Variants in TSHZ2 observed in about 807,000 individuals in gnomAD.
TSHZ2 encodes teashirt homolog 2.
TSHZ2 carries 21 observed loss-of-function variants against 74.4 expected under a neutral mutation model. That is an observed-to-expected ratio of 0.28 (90% CI 0.20 to 0.41). TSHZ2 has a LOEUF of 0.41. TSHZ2 is among the 10% of genes least tolerant of loss of function. The pLI, the probability that TSHZ2 is intolerant of heterozygous loss-of-function variation, is 1.00. For missense variants in TSHZ2, 1,244 were observed against 1,293.5 expected, an observed-to-expected ratio of 0.96 and a Z score of 0.59; for synonymous variants, 540 against 515.3, an observed-to-expected ratio of 1.05 and a Z score of -0.65.
At chr20:53,042,018 C>T (rs967734105) in intron 1 of TSHZ2, among the ~76,000 whole-genome samples, 1 of 152,014 alleles carries the variant, frequency 6.6e-6, no homozygotes, top group African/African-American at 2.4e-5. Flanking sequence ...GGAAATAAGC[C>T]TCTCCTACAT....
intron 2 of TSHZ2, among the ~76,000 whole-genome samples, chr20:53,266,429 G>A (rs1990717797): frequency 6.6e-6 from 1 of 152,086 alleles, no homozygotes; most frequent in Non-Finnish European, 1.5e-5. Context: ...ACAATGCTGG[G>A]ACCCTGTGTT....
At chr20:53,000,928 C>T (rs1276436074) in intron 1 of TSHZ2, among the ~76,000 whole-genome samples, 2 of 152,058 alleles carry the variant, frequency 1.3e-5, no homozygotes, top group Admixed American at 6.6e-5. Flanking sequence ...TGTGTTTTTC[C>T]TTCTGCTGAC....
At chr20:53,469,435 T>G (rs1392007166) in intron 2 of TSHZ2, among the ~76,000 whole-genome samples, 2 of 151,712 alleles carry the variant, frequency 1.3e-5, no homozygotes, top group African/African-American at 4.8e-5. Context: ...TCCCAGCTAC[T>G]TGGGAGGCTG....
intron 1 of TSHZ2, among the ~76,000 whole-genome samples, chr20:52,989,662 G>A (rs1404701185): frequency 6.6e-6 from 1 of 151,740 alleles, no homozygotes; most frequent in African/African-American, 2.4e-5. Flanking sequence ...CGCATAATAA[G>A]AATTCAACAA....
At chr20:53,444,407 G>A (rs1464627905) in intron 2 of TSHZ2, among the ~76,000 whole-genome samples, 1 of 152,118 alleles carries the variant, frequency 6.6e-6, no homozygotes, top group East Asian at 1.9e-4. Context: ...CGGGGACAGG[G>A]GAGGAGTGGG....
At chr20:53,295,813 TG>T (rs1294807346) in intron 2 of TSHZ2, among the ~76,000 whole-genome samples, 1 of 152,190 alleles carries the variant, frequency 6.6e-6, no homozygotes. Context: ...ACCTTGAACT[TG>T]AATTTGAACT....
At chr20:53,275,163 C>CACTG (rs1990917762) in intron 2 of TSHZ2, among the ~76,000 whole-genome samples, 1 of 152,074 alleles carries the variant, frequency 6.6e-6, no homozygotes, top group African/African-American at 2.4e-5. Context: ...AACTGGAAGA[C>CACTG]ACTGGAAAAG....
chr20:53,231,335 GAAAGAATCTACTGT>G (rs2123671202), intron 1 of TSHZ2, among the ~76,000 whole-genome samples: 1 of 152,328 alleles, frequency 6.6e-6, no homozygotes, highest in Admixed American at 6.5e-5. Flanking sequence ...CGCCCCTTCA[GAAAGAATCTACTGT>G]AAAGTGACTT....
At chr20:53,346,313 A>G (rs1980436518) in intron 2 of TSHZ2, among the ~76,000 whole-genome samples, 3 of 152,038 alleles carry the variant, frequency 2.0e-5, no homozygotes, top group Non-Finnish European at 4.4e-5. Flanking sequence ...AAATTTTTTG[A>G]TGGATTGATT....
At chr20:53,329,156 C>G (rs1979616655) in intron 2 of TSHZ2, among the ~76,000 whole-genome samples, 1 of 152,120 alleles carries the variant, frequency 6.6e-6, no homozygotes, top group Non-Finnish European at 1.5e-5. Flanking sequence ...TGCCAAAGAA[C>G]TTCAACTTCT....
chr20:53,106,553 C>T (rs1333263452), intron 1 of TSHZ2, among the ~76,000 whole-genome samples: 21 of 150,878 alleles, frequency 1.4e-4, no homozygotes, highest in South Asian at 2.1e-4. Flanking sequence ...TACAGGCGCC[C>T]GCCACCATGC....
At chr20:53,142,711 C>T (rs370742170) in intron 1 of TSHZ2, among the ~76,000 whole-genome samples, 3 of 151,982 alleles carry the variant, frequency 2.0e-5, no homozygotes, top group African/African-American at 7.3e-5. Context: ...AGGGTGTGGC[C>T]TACTCATTTG....
At position 53,081,855 on chromosome 20, in the gene TSHZ2, A is replaced by T. The variant is rs535586875; in HGVS notation, c.40+108522A>T. ...TTTTAGAAACACACAAACACCTTAT[A>T]TTAGACTGACTGTACGTAAGTATGA... On this transcript the variant is annotated intron_variant, in intron 1 of 2. Transcript: ENST00000371497. Among the ~76,000 whole-genome samples the T allele has an allele frequency of 6.6e-5, 10 of 151,368 alleles. No homozygotes were observed. In the East Asian group the frequency reaches 1.9e-3, roughly 29 times the overall value.
chr20:53,152,397 C>G (rs957106278), intron 1 of TSHZ2, among the ~76,000 whole-genome samples: 3 of 152,078 alleles, frequency 2.0e-5, no homozygotes, highest in Non-Finnish European at 4.4e-5. Flanking sequence ...GACCCTAACC[C>G]TGACTCTCAG....
intron 2 of TSHZ2, among the ~76,000 whole-genome samples, chr20:53,292,451 T>C (rs1197498214): frequency 1.3e-5 from 1 of 79,772 alleles, no homozygotes; most frequent in African/African-American, 8.3e-5. Flanking sequence ...CCACCTATTT[T>C]TTTTTTTTTT....
At chr20:53,133,365 A>G (rs1407522941) in intron 1 of TSHZ2, among the ~76,000 whole-genome samples, 1 of 152,238 alleles carries the variant, frequency 6.6e-6, no homozygotes, top group African/African-American at 2.4e-5. Context: ...AGACACAAGG[A>G]TAAAGCACCC....
At chr20:53,240,389 AC>A (rs1221440891) in intron 1 of TSHZ2, among the ~76,000 whole-genome samples, 2 of 152,168 alleles carry the variant, frequency 1.3e-5, no homozygotes, top group Non-Finnish European at 2.9e-5. Context: ...ACCCTAGAAC[AC>A]TAGTGATCTC....
intron 2 of TSHZ2, among the ~76,000 whole-genome samples, chr20:53,325,351 C>T (rs1979445204): frequency 6.6e-6 from 1 of 152,186 alleles, no homozygotes; most frequent in Admixed American, 6.5e-5. Context: ...AAAAAGTCAT[C>T]ATCTTAATCA....
intron 1 of TSHZ2, among the ~76,000 whole-genome samples, chr20:53,086,563 ACCT>A (rs1985706323): frequency 6.6e-6 from 1 of 151,320 alleles, no homozygotes; most frequent in African/African-American, 2.4e-5. Context: ...TGTTGGAGAA[ACCT>A]CCTGTCAGGA....
Sources: gnomAD v4.1 joint callset for allele counts (sites outside exome capture counted in the v4.1 genomes callset) on GRCh38, gnomAD v4.1.1 for gene constraint, MANE v1.5 for transcripts, NCBI Gene and HGNC (gene_info 2026-07-23, HGNC 2026-07-21) for gene names.